Variants in AXIN1 observed in about 807,000 individuals in gnomAD.
AXIN1 encodes the protein axin-1.
In AXIN1, 30 loss-of-function variants were observed where a neutral mutation model predicts 76.4. That is an observed-to-expected ratio of 0.39 (90% CI 0.29 to 0.53). The LOEUF is 0.53. Ranked by LOEUF, AXIN1 falls within the 20% of genes least tolerant of loss-of-function variation. The probability of loss-of-function intolerance (pLI) is 0.66; values close to 1 mark genes in which losing one functional copy is unlikely to be tolerated. For synonymous variants in AXIN1, 545 were observed against 501.4 expected, an observed-to-expected ratio of 1.09 and a Z score of -1.16; for missense variants, 1,140 against 1,198.8, an observed-to-expected ratio of 0.95 and a Z score of 0.72.
At chr16:289,416 G>A (rs759028189) in intron 10 of AXIN1, 24 bp downstream of exon 10, 40 of 1,612,234 alleles carry the variant, frequency 2.5e-5, no homozygotes, top group Middle Eastern at 1.7e-4. Context: ...TGCGGGGAGG[G>A]GGCACCCCAG....
intron 2 of AXIN1, among the ~76,000 whole-genome samples, chr16:316,855 A>G (rs2053314049): frequency 6.6e-6 from 1 of 152,230 alleles, no homozygotes; most frequent in South Asian, 2.1e-4. Flanking sequence ...TACAGGGTTC[A>G]GTACTATCGC....
intron 2 of AXIN1, among the ~76,000 whole-genome samples, chr16:336,584 G>A (rs1372739749): frequency 6.6e-6 from 1 of 152,164 alleles, no homozygotes; most frequent in Non-Finnish European, 1.5e-5. Context: ...CACTTTGGGA[G>A]GCCAATGCGG....
At chr16:330,370 G>T (rs532192409) in intron 2 of AXIN1, among the ~76,000 whole-genome samples, 1 of 152,072 alleles carries the variant, frequency 6.6e-6, no homozygotes, top group Non-Finnish European at 1.5e-5. Flanking sequence ...GCTACCAAAC[G>T]TCTTTCATAT....
Position 310,005 on chromosome 16 carries a change from C to T in AXIN1, c.1084G>A (p.Val362Ile), listed in dbSNP as rs777137467. ...TGAGGTAGGGGCACCCGCCCATTGA[C>T]CTGCACGCTCTCCTGCATCTCCCTG... ...HRREMQESVQ[V>I]NGRVPLPHIP... The change falls in exon 4 of 11, where the codon GTC becomes ATC. Residue 362 changes from valine to isoleucine, a missense_variant. Physicochemically the swap from Val to Ile is conservative, Grantham distance 29. Around this residue, in one of 3 missense-constraint regions of AXIN1, gnomAD observed 708 missense variants for 776.9 expected, o/e 0.91. Coordinates refer to ENST00000262320, the MANE Select transcript of AXIN1 (RefSeq NM_003502.4). 1 of 1,613,524 alleles carries T rather than the reference C, an allele frequency of 6.2e-7. No individual in the cohort carries two copies. Among genetic ancestry groups the T allele is most frequent in the Admixed American group, 1.7e-5 (1 of 60,022 alleles).
chr16:333,803 G>A (rs55992310), intron 2 of AXIN1, among the ~76,000 whole-genome samples: 8 of 151,610 alleles, frequency 5.3e-5, no homozygotes, highest in Non-Finnish European at 1.2e-4. Flanking sequence ...AACACAGCAC[G>A]AGGTACCACA....
At chr16:324,501 C>G (rs147798150) in intron 2 of AXIN1, among the ~76,000 whole-genome samples, 1 of 152,326 alleles carries the variant, frequency 6.6e-6, no homozygotes, top group East Asian at 1.9e-4. Flanking sequence ...CCAACCAACC[C>G]GCCCAGTGTC....
intron 2 of AXIN1, among the ~76,000 whole-genome samples, chr16:338,439 C>T (rs1466032891): frequency 6.6e-6 from 1 of 152,244 alleles, no homozygotes; most frequent in East Asian, 1.9e-4. Flanking sequence ...TTTCACAACC[C>T]ACCCACACAG....
rs776521678 is a variant in AXIN1 at position 314,670 on chromosome 16, G to C, written c.892C>G (p.Arg298Gly). 6.2e-7 allele frequency: 1 copy of C among 1,613,618 alleles called. No individual in the cohort carries two copies. Among genetic ancestry groups the C allele is most frequent in the South Asian group, 1.1e-5 (1 of 91,082 alleles). The change falls in exon 3 of 11, where the codon CGG becomes GGG. Residue 298 changes from arginine to glycine, a missense_variant. Around this residue, in one of 3 missense-constraint regions of AXIN1, gnomAD observed 708 missense variants for 776.9 expected, o/e 0.91. Coordinates refer to ENST00000262320, the MANE Select transcript of AXIN1 (RefSeq NM_003502.4). ...EGREFRYGSW[R>G]EPVNPYYVNA... is the part of the protein sequence containing the mutation. The stretch of plus-strand genomic sequence containing the variant: ...ACATAATAGGGGTTGACTGGCTCCC[G>C]CCAGGATCCATACCTGCAAACAGGC...
intron 2 of AXIN1, among the ~76,000 whole-genome samples, chr16:337,843 C>T (rs1390157775): frequency 3.3e-5 from 5 of 152,272 alleles, no homozygotes; most frequent in Non-Finnish European, 7.3e-5. Context: ...GGGCGTGCGG[C>T]CTCTGGGGGC....
At chr16:338,273 C>G (rs1034879675) in intron 2 of AXIN1, among the ~76,000 whole-genome samples, 4 of 152,248 alleles carry the variant, frequency 2.6e-5, no homozygotes, top group African/African-American at 9.6e-5. Flanking sequence ...CGGCCAGTCA[C>G]GGCTAGGGCA....
intron 9 of AXIN1, 27 bp from the exon 10 acceptor site, chr16:289,634 C>A: frequency 2.5e-6 from 4 of 1,611,726 alleles, no homozygotes; most frequent in Non-Finnish European, 3.4e-6. Flanking sequence ...AGCGGTGGTA[C>A]CTGGTTTTGG....
intron 3 of AXIN1, among the ~76,000 whole-genome samples, chr16:310,428 G>A (rs1419109505): frequency 2.0e-5 from 3 of 151,900 alleles, no homozygotes; most frequent in African/African-American, 7.3e-5. Context: ...ATGGAGTCTC[G>A]CTCTGTCGCC....
chr16:327,918 C>A (rs1296967516), intron 2 of AXIN1, among the ~76,000 whole-genome samples: 3 of 152,176 alleles, frequency 2.0e-5, no homozygotes, highest in African/African-American at 7.2e-5. Context: ...ACAGTTAAAC[C>A]CACAATTCCA....
intron 4 of AXIN1, among the ~76,000 whole-genome samples, chr16:308,263 C>T (rs2053080983): frequency 6.6e-6 from 1 of 152,212 alleles, no homozygotes; most frequent in Non-Finnish European, 1.5e-5. Flanking sequence ...ACACCAGGGA[C>T]TCGCCATAGG....
chr16:303,681 C>T (rs933288058), intron 5 of AXIN1, among the ~76,000 whole-genome samples: 3 of 152,200 alleles, frequency 2.0e-5, no homozygotes, highest in Non-Finnish European at 4.4e-5. Flanking sequence ...CTCGCCCGCC[C>T]GTTTCCCTTT....
chr16:303,921 C>T (rs767750847), intron 5 of AXIN1, among the ~76,000 whole-genome samples: 28 of 152,226 alleles, frequency 1.8e-4, no homozygotes, highest in Non-Finnish European at 3.8e-4. Context: ...CTAGCCCTTC[C>T]TGCTCTGCAC....
intron 1 of AXIN1, among the ~76,000 whole-genome samples, chr16:347,816 G>A (rs570544134): frequency 6.6e-6 from 1 of 152,154 alleles, no homozygotes; most frequent in Non-Finnish European, 1.5e-5. Flanking sequence ...CCACAGAGGC[G>A]CTCGGACACC....
intron 2 of AXIN1, among the ~76,000 whole-genome samples, chr16:345,504 C>T (rs1011260493): frequency 6.6e-6 from 1 of 152,196 alleles, no homozygotes; most frequent in African/African-American, 2.4e-5. Flanking sequence ...CACCTGAGGT[C>T]GGGAGTTCGA....
chr16:292,629 G>C (rs2052597038), intron 8 of AXIN1: 1 of 152,170 alleles, frequency 6.6e-6, no homozygotes, highest in Non-Finnish European at 1.5e-5. Flanking sequence ...TGTGACCACA[G>C]CCCCAGGGCC....
Sources: gnomAD v4.1 joint callset for allele counts (sites outside exome capture counted in the v4.1 genomes callset) on GRCh38, gnomAD v4.1.1 for gene constraint, gnomAD v4.1.1 regional missense constraint, MANE v1.5 for transcripts, NCBI Gene and HGNC (gene_info 2026-07-23, HGNC 2026-07-21) for gene names.